The following PIK3C3 variants were observed in gnomAD, a reference collection of about 807,000 sequenced individuals.
PIK3C3 encodes the protein phosphatidylinositol 3-kinase catalytic subunit type 3.
In PIK3C3, 95 loss-of-function variants were observed where a neutral mutation model predicts 126.1. The observed-to-expected ratio is 0.75, with a 90% CI of 0.64 to 0.89. The LOEUF is 0.89. Ranked by LOEUF, PIK3C3 falls within the 40% of genes least tolerant of loss-of-function variation. The pLI is 0.00. For synonymous variants in PIK3C3, 374 were observed against 360.0 expected, an observed-to-expected ratio of 1.04 and a Z score of -0.44; for missense variants, 829 against 1,063.2, an observed-to-expected ratio of 0.78 and a Z score of 3.06.
chr18:42,020,650 A>T lies in PIK3C3; in HGVS notation c.1429A>T (p.Thr477Ser). The change falls in exon 13 of 25, where the codon ACC becomes TCC. Residue 477 changes from threonine (T) to serine (S), a missense_variant. Physicochemically the swap from Thr to Ser is moderately conservative, Grantham distance 58. Coordinates refer to ENST00000262039, the MANE Select transcript of PIK3C3 (RefSeq NM_002647.4). Reference protein sequence around the residue: ...DGENLEQDLCTFLISRACKNS... With the variant: ...DGENLEQDLCSFLISRACKNS... Reference sequence around the variant, plus strand: ...TTAATTCTTTCAGCAAGATCTCTGTACCTTCTTGATATCGAGAGCCTGCAA... The same window carrying T: ...TTAATTCTTTCAGCAAGATCTCTGTTCCTTCTTGATATCGAGAGCCTGCAA... 6.2e-7 allele frequency: 1 copy of T among 1,600,420 alleles called. No homozygotes were observed.
chr18:42,033,827 A>G lies in PIK3C3; in HGVS notation c.1709A>G (p.Asn570Ser). 6.3e-7 allele frequency: 1 copy of G among 1,596,150 alleles called. No homozygotes were observed. Among genetic ancestry groups the G allele is most frequent in the South Asian group, 1.1e-5 (1 of 88,610 alleles). The change falls in exon 16 of 25, where the codon AAT becomes AGT. Residue 570 changes from asparagine (N) to serine (S), a missense_variant and splice_region_variant. Asn to Ser is a conservative substitution (Grantham distance 46). Transcript: ENST00000262039. The part of the protein sequence containing the change: ...QRESGNRKKK[N>S]ERLQALLGDN... ...TTAATCCTTTCTGATTTGTTCTAGA[A>G]TGAGAGACTACAGGCATTGCTTGGA... is the stretch of plus-strand genomic sequence containing the variant.
At chr18:42,067,185 A>G (rs1001487724) in intron 23 of PIK3C3, among the ~76,000 whole-genome samples, 24 of 152,178 alleles carry the variant, frequency 1.6e-4, no homozygotes, top group African/African-American at 5.5e-4. Context: ...AACAAGAACA[A>G]GGTGATATAC....
intron 4 of PIK3C3, among the ~76,000 whole-genome samples, chr18:41,979,334 T>C (rs538016068): frequency 2.0e-5 from 3 of 152,246 alleles, no homozygotes; most frequent in Admixed American, 2.0e-4. Flanking sequence ...ATCCCTAAAC[T>C]CTCATTCGGA....
chr18:42,015,312 G>A (rs937391094), intron 11 of PIK3C3, among the ~76,000 whole-genome samples, 164 bp from the exon 12 acceptor site: 3 of 152,204 alleles, frequency 2.0e-5, no homozygotes, highest in South Asian at 4.1e-4. Flanking sequence ...TTGACCATGC[G>A]CTTTTTCCAG....
chr18:42,066,173 T>C (rs1598950045), intron 23 of PIK3C3, among the ~76,000 whole-genome samples: 2 of 152,322 alleles, frequency 1.3e-5, no homozygotes, highest in South Asian at 2.1e-4. Flanking sequence ...GCCTTAGATG[T>C]TCCTCCACCA....
At chr18:42,037,850 A>T in intron 17 of PIK3C3, 30 bp downstream of exon 17, 3 of 1,581,614 alleles carry the variant, frequency 1.9e-6, no homozygotes, top group Non-Finnish European at 2.6e-6. Context: ...GGTGGGGAAC[A>T]TTTTTTTCGT....
chr18:41,987,656 G>A (rs1249880165), intron 4 of PIK3C3, among the ~76,000 whole-genome samples, 156 bp from the exon 5 acceptor site: 1 of 151,754 alleles, frequency 6.6e-6, no homozygotes, highest in South Asian at 2.1e-4. Flanking sequence ...ATAATGATTT[G>A]TCTCTTGCCA....
rs1568013383 is a variant in PIK3C3 at position 42,076,099 on chromosome 18, TATATATATATATATATATATATGC to T, written c.2650-5023_2650-5000del. ...GGCTGCTTTACCTTGCATATATATA[TATATATATATATATATATATATGC>T]GCATATATATATATATATATGCGCA... On this transcript the variant is annotated intron_variant, in intron 24 of 24. Coordinates refer to ENST00000262039, the MANE Select transcript of PIK3C3 (RefSeq NM_002647.4). Among the ~76,000 whole-genome samples the T allele has an allele frequency of 1.1e-4, 8 of 74,924 alleles. 1 individual carries two copies. The highest frequency in any genetic ancestry group is 5.6e-4 in the African/African-American group (8 of 14,216). 49.2% of individuals were successfully genotyped at this position (74,924 alleles called of 152,430 possible).
chr18:42,012,395 G>A (rs915821932), intron 10 of PIK3C3, among the ~76,000 whole-genome samples: 12 of 152,148 alleles, frequency 7.9e-5, no homozygotes, highest in African/African-American at 2.7e-4. Context: ...ACTTAACCTG[G>A]TTTGTGAGCT....
At chr18:42,073,442 G>A (rs1466932964) in intron 24 of PIK3C3, among the ~76,000 whole-genome samples, 3 of 152,180 alleles carry the variant, frequency 2.0e-5, no homozygotes, top group Non-Finnish European at 4.4e-5. Flanking sequence ...AAGAATACCT[G>A]TCCTCTAAGG....
chr18:41,956,927 A>T (rs1389689350), intron 1 of PIK3C3, among the ~76,000 whole-genome samples: 1 of 152,220 alleles, frequency 6.6e-6, no homozygotes, highest in African/African-American at 2.4e-5. Context: ...TGTAATCTTG[A>T]TGTCTAAAAA....
At chr18:42,019,432 C>T (rs1983222666) in intron 12 of PIK3C3, among the ~76,000 whole-genome samples, 1 of 152,126 alleles carries the variant, frequency 6.6e-6, no homozygotes, top group Non-Finnish European at 1.5e-5. Context: ...ACAAAATGAC[C>T]TTAATACTTT....
At chr18:42,012,075 ATGTGAATAACTACAG>A (rs1335550841) in intron 10 of PIK3C3, among the ~76,000 whole-genome samples, 2 of 152,126 alleles carry the variant, frequency 1.3e-5, no homozygotes, top group African/African-American at 4.8e-5. Context: ...TTGAAATATT[ATGTGAATAACTACAG>A]TGTGACACAA....
chr18:42,005,417 T>A (rs935109280), intron 10 of PIK3C3, among the ~76,000 whole-genome samples: 15 of 152,228 alleles, frequency 9.9e-5, no homozygotes, highest in Non-Finnish European at 1.3e-4. Flanking sequence ...AGCATTGTTA[T>A]GTGGCACATG....
At chr18:41,958,724 T>C (rs1224830006) in intron 2 of PIK3C3, among the ~76,000 whole-genome samples, 1 of 152,102 alleles carries the variant, frequency 6.6e-6, no homozygotes, top group Non-Finnish European at 1.5e-5. Context: ...TATATGTATA[T>C]AGATATGTGT....
intron 20 of PIK3C3, among the ~76,000 whole-genome samples, chr18:42,045,705 G>T (rs1984529638): frequency 6.6e-6 from 1 of 152,132 alleles, no homozygotes; most frequent in Non-Finnish European, 1.5e-5. Flanking sequence ...CTGGATTTGA[G>T]GGGACGGAAT....
At chr18:42,007,110 C>T (rs1009153821) in intron 10 of PIK3C3, among the ~76,000 whole-genome samples, 5 of 152,056 alleles carry the variant, frequency 3.3e-5, no homozygotes, top group Non-Finnish European at 7.4e-5. Flanking sequence ...CATCGTGATC[C>T]GCCCCCATCG....
At chr18:42,022,883 C>A (rs2144423837) in intron 13 of PIK3C3, among the ~76,000 whole-genome samples, 1 of 152,110 alleles carries the variant, frequency 6.6e-6, no homozygotes, top group African/African-American at 2.4e-5. Flanking sequence ...CCACCTTTTA[C>A]CTCTAATGTT....
intron 10 of PIK3C3, 38 bp from the exon 11 acceptor site, chr18:42,013,404 C>T (rs766424705): frequency 8.0e-7 from 1 of 1,249,632 alleles, no homozygotes; most frequent in Non-Finnish European, 1.1e-6. Flanking sequence ...ATTTTGCATT[C>T]TTTTCCTAAT....
Sources: gnomAD v4.1 joint callset for allele counts (sites outside exome capture counted in the v4.1 genomes callset) on GRCh38, gnomAD v4.1.1 for gene constraint, MANE v1.5 for transcripts, NCBI Gene and HGNC (gene_info 2026-07-23, HGNC 2026-07-21) for gene names.